SRPK2: variants seen among roughly 807,000 people sequenced by gnomAD.
SRPK2 encodes the protein SFRS protein kinase 2.
Under a neutral mutation model 90.8 loss-of-function variants are expected in SRPK2, and 21 were observed. The observed-to-expected ratio is 0.23, with a 90% CI of 0.16 to 0.33. The LOEUF is 0.33. Ranked by LOEUF, SRPK2 falls within the 10% of genes least tolerant of loss-of-function variation. The probability of loss-of-function intolerance (pLI) is 1.00; values close to 1 mark genes in which losing one functional copy is unlikely to be tolerated. For synonymous variants in SRPK2, 288 were observed against 311.1 expected, an observed-to-expected ratio of 0.93 and a Z score of 0.78; for missense variants, 620 against 869.0, an observed-to-expected ratio of 0.71 and a Z score of 3.60.
At chr7:105,358,223 CAAAA>C (rs976713048) in intron 2 of SRPK2, among the ~76,000 whole-genome samples, 2 of 53,648 alleles carry the variant, frequency 3.7e-5, no homozygotes, top group African/African-American at 8.6e-5. Flanking sequence ...GACTCCGTCT[CAAAA>C]AAAAAAAAAA....
chr7:105,175,403 C>T (rs1409750282), intron 3 of SRPK2, among the ~76,000 whole-genome samples: 1 of 151,992 alleles, frequency 6.6e-6, no homozygotes, highest in Admixed American at 6.5e-5. Context: ...ATTTATAGCA[C>T]TAAATGCCTA....
At position 105,254,631 on chromosome 7, in the gene SRPK2, T is replaced by C. The variant is rs565868731; in HGVS notation, c.72-50846A>G. 2.3e-4 allele frequency among the ~76,000 whole-genome samples: 35 copies of C among 152,274 alleles called. 1 individual carries two copies. The highest frequency in any genetic ancestry group is 3.4e-3 in the Middle Eastern group (1 of 294). On this transcript the variant is annotated intron_variant, in intron 2 of 15. Transcript: ENST00000393651. The stretch of plus-strand genomic sequence containing the variant: ...TCAGTATGATACTGGATTGTACGGT[T>C]GGTGATGATGTTATCGTTGAAGTAC...
At chr7:105,157,911 AT>A (rs2129581062) in intron 7 of SRPK2, among the ~76,000 whole-genome samples, 1 of 152,198 alleles carries the variant, frequency 6.6e-6, no homozygotes, top group African/African-American at 2.4e-5. Flanking sequence ...CTACAAAAAA[AT>A]AAAAATTAGC....
chr7:105,328,164 C>G (rs1585725882), intron 2 of SRPK2, among the ~76,000 whole-genome samples: 1 of 152,168 alleles, frequency 6.6e-6, no homozygotes, highest in African/African-American at 2.4e-5. Flanking sequence ...TGGGCTCACT[C>G]CAATCAAAAT....
At chr7:105,278,764 G>A (rs1335419285) in intron 2 of SRPK2, among the ~76,000 whole-genome samples, 4 of 151,632 alleles carry the variant, frequency 2.6e-5, no homozygotes, top group African/African-American at 7.3e-5. Flanking sequence ...GGCAGAAGGC[G>A]GAAGGGGAAA....
intron 2 of SRPK2, among the ~76,000 whole-genome samples, chr7:105,361,987 A>C (rs1818477140): frequency 6.6e-6 from 1 of 152,176 alleles, no homozygotes; most frequent in Admixed American, 6.6e-5. Context: ...GGATCTAATT[A>C]AACTAAAGAG....
At chr7:105,140,111 T>C (rs1430595550) in intron 11 of SRPK2, among the ~76,000 whole-genome samples, 1 of 151,780 alleles carries the variant, frequency 6.6e-6, no homozygotes, top group Non-Finnish European at 1.5e-5. Context: ...GTTTAGGGAG[T>C]AATGACAAGG....
intron 2 of SRPK2, chr7:105,205,928 A>AACACACACAC (rs139433699): frequency 2.1e-6 from 1 of 484,508 alleles, no homozygotes; most frequent in Non-Finnish European, 4.1e-6. Flanking sequence ...ATTCTCTGAA[A>AACACACACAC]ACACACACAC....
At position 105,383,052 on chromosome 7, in the gene SRPK2, A is replaced by ATTTTTTTTTTTTTTTTTTTTTTTTT. The variant is rs1563315577; in HGVS notation, c.71+5595_71+5596insAAAAAAAAAAAAAAAAAAAAAAAAA. Among the ~76,000 whole-genome samples, 14 of 105,276 alleles carry ATTTTTTTTTTTTTTTTTTTTTTTTT rather than the reference A, an allele frequency of 1.3e-4. 7 individuals are homozygous for ATTTTTTTTTTTTTTTTTTTTTTTTT. Among genetic ancestry groups the ATTTTTTTTTTTTTTTTTTTTTTTTT allele is most frequent in the Non-Finnish European group, 1.4e-4 (8 of 55,650 alleles). The allele number at this position is 105,276 out of a possible 152,430, so 69.1% of individuals were successfully genotyped here. A position where few individuals can be genotyped will look rare whatever the true frequency, so the allele number is the denominator to read the frequency against. On this transcript the variant is annotated intron_variant, in intron 2 of 15. Coordinates refer to ENST00000393651, the MANE Select transcript of SRPK2 (RefSeq NM_182692.3). ...AGTCTGAAATTATTTCAAAAGTAAAAATTTTTTTTTTTTTTTTTTTTTTTT... is the reference window on the plus strand; with the variant it reads ...AGTCTGAAATTATTTCAAAAGTAAAATTTTTTTTTTTTTTTTTTTTTTTTTATTTTTTTTTTTTTTTTTTTTTTTT...
intron 3 of SRPK2, among the ~76,000 whole-genome samples, chr7:105,202,115 C>T (rs542805844): frequency 2.6e-5 from 4 of 152,288 alleles, no homozygotes; most frequent in Non-Finnish European, 5.9e-5. Context: ...ACACTCTTTT[C>T]TAAGGAACAC....
At chr7:105,154,376 T>C (rs1806187486) in intron 7 of SRPK2, among the ~76,000 whole-genome samples, 1 of 152,196 alleles carries the variant, frequency 6.6e-6, no homozygotes, top group African/African-American at 2.4e-5. Flanking sequence ...AACCCAGTAA[T>C]ATCAAAATGT....
At chr7:105,140,602 AAAAT>A (rs1224182311) in intron 11 of SRPK2, among the ~76,000 whole-genome samples, 1 of 151,206 alleles carries the variant, frequency 6.6e-6, no homozygotes, top group Non-Finnish European at 1.5e-5. Context: ...ACTGTCTCAA[AAAAT>A]AAATAAATAA....
At chr7:105,222,915 T>C (rs547179908) in intron 2 of SRPK2, among the ~76,000 whole-genome samples, 1 of 152,240 alleles carries the variant, frequency 6.6e-6, no homozygotes, top group South Asian at 2.1e-4. Context: ...TAGTATGTGG[T>C]AAGAATCAGG....
Position 105,160,597 on chromosome 7 carries a change from G to A in SRPK2, c.531C>T (p.Phe177=), listed in dbSNP as rs770484759. The change falls in exon 7 of 16, where the codon TTC becomes TTT. Residue 177 remains phenylalanine, a synonymous_variant. Transcript: ENST00000393651. ...GMNGIHVCMV[F]EVLGHHLLKW... is the part of the protein sequence containing the mutation. ...TGAGGAGATGGTGGCCAAGTACTTC[G>A]AAGACCATGCAGACATCTGGGACAC... 59 of 1,612,184 alleles carry A rather than the reference G, an allele frequency of 3.7e-5. No homozygotes were observed. In the East Asian group the frequency reaches 6.2e-4, roughly 17 times the overall value.
chr7:105,296,771 G>T (rs1809869562), intron 2 of SRPK2, among the ~76,000 whole-genome samples: 2 of 152,160 alleles, frequency 1.3e-5, no homozygotes, highest in African/African-American at 4.8e-5. Flanking sequence ...GTACTGTTGT[G>T]GGGGCTTACT....
chr7:105,257,684 AAC>A (rs1254206401), intron 2 of SRPK2, among the ~76,000 whole-genome samples: 1 of 152,108 alleles, frequency 6.6e-6, no homozygotes, highest in Non-Finnish European at 1.5e-5. Context: ...GACAGGGTTT[AAC>A]AGTCATTTTT....
chr7:105,120,623 C>T (rs1328885326), intron 15 of SRPK2, among the ~76,000 whole-genome samples: 1 of 151,052 alleles, frequency 6.6e-6, no homozygotes, highest in Non-Finnish European at 1.5e-5. Flanking sequence ...CAGAGCAGCA[C>T]TGCAATATAA....
At position 105,268,061 on chromosome 7, in the gene SRPK2, T is replaced by A. The variant is rs913981225; in HGVS notation, c.72-64276A>T. 1.4e-4 allele frequency among the ~76,000 whole-genome samples: 22 copies of A among 152,246 alleles called. 1 individual carries two copies. Among genetic ancestry groups the A allele is most frequent in the South Asian group, 1.2e-3 (6 of 4,834 alleles). On this transcript the variant is annotated intron_variant, in intron 2 of 15. Coordinates refer to ENST00000393651, the MANE Select transcript of SRPK2 (RefSeq NM_182692.3). The stretch of plus-strand genomic sequence containing the variant: ...ATTTGCATATCAAAATAGGCAACTA[T>A]AGCCTTATTTCTGACTTCAGATAAA...
chr7:105,362,474 G>T (rs368423530), intron 2 of SRPK2, among the ~76,000 whole-genome samples: 1 of 146,644 alleles, frequency 6.8e-6, no homozygotes, highest in African/African-American at 2.5e-5. Context: ...CTGAGATCAC[G>T]CCACTGCACT....
Sources: allele counts gnomAD v4.1 joint callset (sites outside exome capture counted in the v4.1 genomes callset), GRCh38; gene constraint gnomAD v4.1.1; transcripts MANE v1.5; gene names NCBI Gene and HGNC (gene_info 2026-07-23, HGNC 2026-07-21).